GRID2: variants seen among roughly 807,000 people sequenced by gnomAD.
GRID2 encodes the protein glutamate ionotropic receptor delta type subunit 2, also known as glutamate receptor ionotropic, delta-2.
Under a neutral mutation model 114.8 loss-of-function variants are expected in GRID2, and 33 were observed. The observed-to-expected ratio is 0.29, with a 90% CI of 0.22 to 0.38. The LOEUF (loss-of-function observed/expected upper bound fraction) is 0.38, where lower values mean the gene tolerates loss of function less well. Ranked by LOEUF, GRID2 falls within the 10% of genes least tolerant of loss-of-function variation. The pLI is 1.00. For missense variants in GRID2, 1,184 were observed against 1,257.7 expected (o/e 0.94, Z 0.89); for synonymous variants, 505 against 449.9 (o/e 1.12, Z -1.55).
At chr4:92,868,021 TTTCTTTCTTTC>T (rs1745003238) in intron 2 of GRID2, among the ~76,000 whole-genome samples, 1 of 35,394 alleles carries the variant, frequency 2.8e-5, no homozygotes, top group Admixed American at 2.6e-4. Flanking sequence ...AAAGGTTTTC[TTTCTTTCTTTC>T]TTTCTTTCTT....
intron 2 of GRID2, among the ~76,000 whole-genome samples, chr4:92,690,627 C>T (rs781618794): frequency 4.6e-5 from 7 of 152,032 alleles, no homozygotes; most frequent in African/African-American, 1.2e-4. Flanking sequence ...AAACAATATC[C>T]GTGGCATGCA....
intron 3 of GRID2, among the ~76,000 whole-genome samples, chr4:93,103,842 T>TG (rs1239425165): frequency 1.3e-5 from 2 of 148,730 alleles, no homozygotes; most frequent in African/African-American, 2.5e-5. Flanking sequence ...AATCCCTTGT[T>TG]TTTTTTTTTT....
rs922586136 is a variant in GRID2, at chr4:93,406,940, C to T, written c.1347+11232C>T. Reference sequence around the variant, plus strand: ...AACGTCACAGAAAGTTTTTCTTGTTCACATTTTGGAAATCTTCCTTCTCAG... The same window carrying T: ...AACGTCACAGAAAGTTTTTCTTGTTTACATTTTGGAAATCTTCCTTCTCAG... On this transcript the variant is annotated intron_variant, in intron 9 of 15. Coordinates refer to ENST00000282020, the MANE Select transcript of GRID2 (RefSeq NM_001510.4). Among the ~76,000 whole-genome samples, 8 of 152,236 alleles carry T rather than the reference C, an allele frequency of 5.3e-5. No individual in the cohort carries two copies. The South Asian group carries it at 1.7e-3, about 31-fold the overall frequency.
At chr4:92,367,100 C>T (rs1486932257) in intron 1 of GRID2, among the ~76,000 whole-genome samples, 2 of 151,914 alleles carry the variant, frequency 1.3e-5, no homozygotes, top group Non-Finnish European at 2.9e-5. Flanking sequence ...TCTGTTATTT[C>T]CTTCCTCATG....
chr4:93,134,101 G>A (rs1210918888), intron 4 of GRID2, among the ~76,000 whole-genome samples: 2 of 152,000 alleles, frequency 1.3e-5, no homozygotes, highest in Non-Finnish European at 2.9e-5. Flanking sequence ...TTCAATATAT[G>A]TCATTGAAAG....
chr4:93,231,390 CAAA>C (rs34267723), intron 7 of GRID2, among the ~76,000 whole-genome samples: 1 of 104,470 alleles, frequency 9.6e-6, no homozygotes, highest in Admixed American at 9.4e-5. Context: ...CACCCCCTGC[CAAA>C]AAAAAAAAAA....
intron 14 of GRID2, among the ~76,000 whole-genome samples, chr4:93,683,381 G>A (rs77129288): frequency 0.031 from 4,648 of 152,060 alleles, 111 homozygotes; most frequent in African/African-American, 0.062. Flanking sequence ...ACTGGAATTC[G>A]CCTTAAGATA....
chr4:92,991,980 G>A (rs985891487), intron 2 of GRID2, among the ~76,000 whole-genome samples: 4 of 152,054 alleles, frequency 2.6e-5, no homozygotes, highest in African/African-American at 4.8e-5. Flanking sequence ...GGGAATAAGA[G>A]GTACATTGGC....
At chr4:92,490,077 G>C (rs1365986000) in intron 1 of GRID2, among the ~76,000 whole-genome samples, 1 of 152,034 alleles carries the variant, frequency 6.6e-6, no homozygotes, top group Non-Finnish European at 1.5e-5. Context: ...TTATTTAACT[G>C]TAGTGTTGTT....
chr4:92,797,318 C>G (rs1373181433), intron 2 of GRID2, among the ~76,000 whole-genome samples: 1 of 151,972 alleles, frequency 6.6e-6, no homozygotes, highest in Non-Finnish European at 1.5e-5. Context: ...AAACAATGAT[C>G]ATCACATGGC....
chr4:93,089,671 G>A (rs780701098), intron 3 of GRID2, among the ~76,000 whole-genome samples: 2 of 152,004 alleles, frequency 1.3e-5, no homozygotes, highest in African/African-American at 2.4e-5. Context: ...CTGTAGTCCC[G>A]GGATATCTTA....
intron 2 of GRID2, among the ~76,000 whole-genome samples, chr4:92,990,913 A>G (rs1359944811): frequency 6.6e-6 from 1 of 152,202 alleles, no homozygotes; most frequent in Non-Finnish European, 1.5e-5. Context: ...TTATTCTAGC[A>G]CACATATTGT....
rs114649185 is a variant in GRID2 at position 92,842,757 on chromosome 4, G to A, written c.245-242238G>A. Among the ~76,000 whole-genome samples the A allele has an allele frequency of 3.8e-3, 574 of 152,198 alleles. 2 individuals carry two copies. The highest frequency in any genetic ancestry group is 0.013 in the African/African-American group (556 of 41,552). On this transcript the variant is annotated intron_variant, in intron 2 of 15. Coordinates refer to ENST00000282020, the MANE Select transcript of GRID2 (RefSeq NM_001510.4). Reference sequence around the variant, plus strand: ...AAAAAAAGTGGGATTACAGGCATGAGCCACCATGCCAGGCCTAATCTTTAC... The same window carrying A: ...AAAAAAAGTGGGATTACAGGCATGAACCACCATGCCAGGCCTAATCTTTAC...
intron 2 of GRID2, among the ~76,000 whole-genome samples, chr4:93,035,856 A>G (rs761628338): frequency 2.6e-5 from 4 of 152,038 alleles, no homozygotes; most frequent in Non-Finnish European, 5.9e-5. Context: ...ACATTCCACT[A>G]CTCTGTAGTG....
intron 10 of GRID2, among the ~76,000 whole-genome samples, chr4:93,439,284 T>C (rs1721399570): frequency 6.6e-6 from 1 of 152,068 alleles, no homozygotes. Flanking sequence ...TATGGCATAA[T>C]AATAGAAATT....
At chr4:92,329,465 G>T (rs1056671343) in intron 1 of GRID2, among the ~76,000 whole-genome samples, 30 of 151,878 alleles carry the variant, frequency 2.0e-4, no homozygotes, top group Admixed American at 4.6e-4. Context: ...CATTTACTTA[G>T]TGTCTGTCCT....
chr4:93,714,425 G>A (rs986468951), intron 14 of GRID2, among the ~76,000 whole-genome samples: 5 of 152,126 alleles, frequency 3.3e-5, no homozygotes, highest in Admixed American at 2.6e-4. Context: ...CTTCATAACA[G>A]AATGACTTAT....
chr4:93,740,867 A>ATT (rs397962079), intron 14 of GRID2, among the ~76,000 whole-genome samples: 13 of 138,322 alleles, frequency 9.4e-5, no homozygotes, highest in East Asian at 2.2e-4. Flanking sequence ...TGGTTCTACT[A>ATT]TTTTTTTTTT....
At chr4:92,792,892 C>CA (rs1553928224) in intron 2 of GRID2, among the ~76,000 whole-genome samples, 3 of 133,354 alleles carry the variant, frequency 2.2e-5, no homozygotes, top group African/African-American at 3.1e-5. Flanking sequence ...TCATAATATC[C>CA]ATTTTTTTTT....
Sources: gnomAD v4.1 joint callset for allele counts (sites outside exome capture counted in the v4.1 genomes callset) on GRCh38, gnomAD v4.1.1 for gene constraint, MANE v1.5 for transcripts, NCBI Gene and HGNC (gene_info 2026-07-23, HGNC 2026-07-21) for gene names.